Variants in BTBD9 observed in about 807,000 individuals in gnomAD.
BTBD9 encodes the protein BTB/POZ domain-containing protein 9.
BTBD9 carries 49 observed loss-of-function variants against 64.3 expected under a neutral mutation model. The observed-to-expected ratio is 0.76, with a 90% CI of 0.61 to 0.97. The LOEUF is 0.97. Among genes scored for constraint, BTBD9 ranks in the 50% least tolerant of loss-of-function variants. BTBD9 has a pLI of 0.00. For missense variants in BTBD9, 598 were observed against 762.1 expected (o/e 0.78, Z 2.53); for synonymous variants, 260 against 274.7 (o/e 0.95, Z 0.53).
chr6:38,625,645 TCA>T (rs941313471), intron 1 of BTBD9, among the ~76,000 whole-genome samples: 13 of 152,180 alleles, frequency 8.5e-5, no homozygotes, highest in Admixed American at 3.3e-4. Context: ...TAGTAAATAT[TCA>T]CAGATTCCTA....
At chr6:38,636,869 C>T (rs550386860) in intron 1 of BTBD9, among the ~76,000 whole-genome samples, 1 of 152,238 alleles carries the variant, frequency 6.6e-6, no homozygotes, top group East Asian at 1.9e-4. Flanking sequence ...GGATGAATGC[C>T]ATTATAGCAG....
chr6:38,273,255 TAA>T (rs1445217047), intron 8 of BTBD9, among the ~76,000 whole-genome samples: 5 of 152,228 alleles, frequency 3.3e-5, no homozygotes, highest in African/African-American at 1.2e-4. Context: ...TGTAGTACAG[TAA>T]TGTCCTTTTA....
At chr6:38,444,663 A>AT (rs2127322062) in intron 6 of BTBD9, among the ~76,000 whole-genome samples, 1 of 152,296 alleles carries the variant, frequency 6.6e-6, no homozygotes, top group African/African-American at 2.4e-5. Flanking sequence ...TAAAATGGGG[A>AT]TAAAAAGGGT....
At chr6:38,450,663 A>T (rs1769496000) in intron 6 of BTBD9, among the ~76,000 whole-genome samples, 1 of 152,254 alleles carries the variant, frequency 6.6e-6, no homozygotes, top group Non-Finnish European at 1.5e-5. Flanking sequence ...GTCCAGGATC[A>T]GGTTAGTGCT....
intron 7 of BTBD9, among the ~76,000 whole-genome samples, chr6:38,344,609 A>G (rs1764212131): frequency 6.6e-6 from 1 of 152,206 alleles, no homozygotes; most frequent in Non-Finnish European, 1.5e-5. Context: ...ATACCTGCAC[A>G]GCCATGGAAA....
intron 6 of BTBD9, among the ~76,000 whole-genome samples, chr6:38,545,215 C>G (rs1774478457): frequency 1.3e-5 from 2 of 152,030 alleles, no homozygotes; most frequent in South Asian, 4.1e-4. Flanking sequence ...CCTCAGCCTC[C>G]CAAGTAGCTG....
chr6:38,327,076 C>G lies in BTBD9; in HGVS notation c.1264+17908G>C, dbSNP rs144344586. ...ATTACAGGGGCAGAATTGAAGTAATCCCCTGCTTGAGCACTAGGTAGTTTT... is the reference window on the plus strand; with the variant it reads ...ATTACAGGGGCAGAATTGAAGTAATGCCCTGCTTGAGCACTAGGTAGTTTT... On this transcript the variant is annotated intron_variant, in intron 7 of 10. Transcript: ENST00000481247. Among the ~76,000 whole-genome samples the G allele has an allele frequency of 2.0e-3, 309 of 152,248 alleles. 1 individual carries two copies. The highest frequency in any genetic ancestry group is 6.3e-3 in the African/African-American group (262 of 41,528).
intron 6 of BTBD9, among the ~76,000 whole-genome samples, chr6:38,408,539 G>T (rs1181121370): frequency 1.3e-5 from 2 of 152,160 alleles, no homozygotes; most frequent in Non-Finnish European, 1.5e-5. Context: ...ATAATTCCAA[G>T]ACTGCCACAT....
At chr6:38,507,697 C>T (rs73428703) in intron 6 of BTBD9, among the ~76,000 whole-genome samples, 1 of 152,142 alleles carries the variant, frequency 6.6e-6, no homozygotes, top group Non-Finnish European at 1.5e-5. Context: ...CATAAGCCCC[C>T]CTCTTCTCTT....
rs1775895244 is a variant in BTBD9 at position 38,573,780 on chromosome 6, G to C, written c.1154+3820C>G. On this transcript the variant is annotated intron_variant, in intron 6 of 10. Coordinates refer to ENST00000481247, the MANE Select transcript of BTBD9 (RefSeq NM_001099272.2). ...TGCCAAATTAACAGCACCATGTTGA[G>C]GAATAGCTCAAAATTTTAAGAGCAC... Among the ~76,000 whole-genome samples the C allele has an allele frequency of 3.3e-5, 5 of 152,142 alleles. No homozygotes were observed. The South Asian group carries it at 1.0e-3, about 32-fold the overall frequency.
chr6:38,328,226 G>C (rs907188286), intron 7 of BTBD9, among the ~76,000 whole-genome samples: 2 of 152,022 alleles, frequency 1.3e-5, no homozygotes, highest in African/African-American at 4.8e-5. Context: ...ACAATTTTAC[G>C]CACTATTATG....
chr6:38,533,920 C>A (rs1286549349), intron 6 of BTBD9, among the ~76,000 whole-genome samples: 2 of 151,790 alleles, frequency 1.3e-5, no homozygotes, highest in African/African-American at 4.8e-5. Flanking sequence ...GCTGTAAGTG[C>A]CTACATCAAA....
chr6:38,515,728 C>T (rs1004698949), intron 6 of BTBD9, among the ~76,000 whole-genome samples: 1 of 152,062 alleles, frequency 6.6e-6, no homozygotes, highest in Non-Finnish European at 1.5e-5. Context: ...TTGGTTTAGA[C>T]AAAATAAGCA....
At chr6:38,464,212 GCCTTGAT>G (rs1207391631) in intron 6 of BTBD9, among the ~76,000 whole-genome samples, 1 of 152,126 alleles carries the variant, frequency 6.6e-6, no homozygotes, top group African/African-American at 2.4e-5. Flanking sequence ...ACTTGCCAAT[GCCTTGAT>G]TTTGGACTTC....
intron 9 of BTBD9, among the ~76,000 whole-genome samples, chr6:38,227,097 G>A (rs1326243434): frequency 6.6e-6 from 1 of 152,212 alleles, no homozygotes; most frequent in Non-Finnish European, 1.5e-5. Context: ...CTCACCCACT[G>A]TGTGCCTCAA....
intron 1 of BTBD9, among the ~76,000 whole-genome samples, chr6:38,633,677 T>C (rs1389902672): frequency 6.6e-6 from 1 of 152,192 alleles, no homozygotes; most frequent in East Asian, 1.9e-4. Flanking sequence ...AACACTTAGC[T>C]GCTTAAGAAG....
At chr6:38,242,407 G>T (rs1764022852) in intron 9 of BTBD9, among the ~76,000 whole-genome samples, 1 of 152,184 alleles carries the variant, frequency 6.6e-6, no homozygotes, top group African/African-American at 2.4e-5. Context: ...TCAGAATCAG[G>T]AGACCTGAGT....
At chr6:38,436,519 G>C (rs991510025) in intron 6 of BTBD9, among the ~76,000 whole-genome samples, 1 of 151,542 alleles carries the variant, frequency 6.6e-6, no homozygotes, top group African/African-American at 2.4e-5. Context: ...GGGATTATAG[G>C]CGTGCGAAAC....
In BTBD9 at chr6:38,577,652, G is replaced by C. The variant is rs371628251; in HGVS notation, c.1102C>G (p.Gln368Glu). Residue 368 changes from glutamine (Q) to glutamate (E), a missense_variant, in exon 6 of 11, where the codon CAA becomes GAA. Gln to Glu is a conservative substitution (Grantham distance 29, BLOSUM62 2). Coordinates refer to ENST00000481247, the MANE Select transcript of BTBD9 (RefSeq NM_001099272.2). ...LDWVRVIDHS[Q>E]YLCRSWQKLY... ...TTCTGCCAAGAACGACACAGATATT[G>C]TGAATGATCTATCACTCTGACCCAA... 66 of 1,610,608 alleles carry C rather than the reference G, an allele frequency of 4.1e-5. No homozygotes were observed. Among genetic ancestry groups the C allele is most frequent in the Admixed American group, 8.3e-5 (5 of 59,950 alleles).
Sources: gnomAD v4.1 joint callset for allele counts (sites outside exome capture counted in the v4.1 genomes callset) on GRCh38, gnomAD v4.1.1 for gene constraint, MANE v1.5 for transcripts, NCBI Gene and HGNC (gene_info 2026-07-23, HGNC 2026-07-21) for gene names.